Variants in TMEM132D observed in about 807,000 individuals in gnomAD.
TMEM132D encodes the protein mature OL transmembrane protein.
In TMEM132D, 21 loss-of-function variants were observed where a neutral mutation model predicts 62.3. That is an observed-to-expected ratio of 0.34 (90% CI 0.24 to 0.49). TMEM132D has a LOEUF of 0.49. TMEM132D is among the 20% of genes least tolerant of loss of function. The pLI is 0.99. For missense variants in TMEM132D, 1,346 were observed against 1,402.8 expected (o/e 0.96, Z 0.65); for synonymous variants, 621 against 575.6 (o/e 1.08, Z -1.13).
At chr12:129,854,541 AGAGT>A in intron 1 of TMEM132D, 1 of 152,234 alleles carries the variant, frequency 6.6e-6, no homozygotes, top group East Asian at 1.9e-4. Flanking sequence ...GTCTCATGAA[AGAGT>A]GAGAAAAAAA....
intron 2 of TMEM132D, among the ~76,000 whole-genome samples, chr12:129,556,690 C>T (rs1369205925): frequency 1.3e-5 from 2 of 152,122 alleles, no homozygotes; most frequent in African/African-American, 2.4e-5. Flanking sequence ...ATGTCCAAAA[C>T]GATAGCCCCT....
chr12:129,553,034 G>A (rs77797499), intron 2 of TMEM132D, among the ~76,000 whole-genome samples: 127 of 152,212 alleles, frequency 8.3e-4, no homozygotes, highest in African/African-American at 2.9e-3. Context: ...GCCACCATCC[G>A]AGCCCCAGCC....
At chr12:129,088,095 C>A (rs34216526) in intron 5 of TMEM132D, among the ~76,000 whole-genome samples, 27 of 39,408 alleles carry the variant, frequency 6.9e-4, no homozygotes, top group African/African-American at 4.6e-3. Context: ...GGTGTCCTCC[C>A]TGACCGGGGT....
chr12:129,837,427 G>T (rs1445046748), intron 1 of TMEM132D, among the ~76,000 whole-genome samples: 1 of 152,086 alleles, frequency 6.6e-6, no homozygotes, highest in African/African-American at 2.4e-5. Flanking sequence ...TAAGTTGCTA[G>T]GTTTACAAAC....
At chr12:129,370,752 T>C (rs1870571635) in intron 3 of TMEM132D, among the ~76,000 whole-genome samples, 1 of 151,372 alleles carries the variant, frequency 6.6e-6, no homozygotes, top group Non-Finnish European at 1.5e-5. Flanking sequence ...CTGGAAGTCA[T>C]TATGTTAAGT....
chr12:129,216,158 A>G (rs1398574890), intron 4 of TMEM132D, among the ~76,000 whole-genome samples: 3 of 152,212 alleles, frequency 2.0e-5, no homozygotes, highest in Non-Finnish European at 4.4e-5. Context: ...CTTCAGCTAT[A>G]ACATGAGCAT....
chr12:129,720,104 G>A (rs1239095521), intron 1 of TMEM132D, among the ~76,000 whole-genome samples: 2 of 152,132 alleles, frequency 1.3e-5, no homozygotes, highest in African/African-American at 4.8e-5. Context: ...CCATTATTTA[G>A]AAATGTGGTT....
chr12:129,689,883 G>C (rs1425355955), intron 2 of TMEM132D, among the ~76,000 whole-genome samples: 4 of 152,186 alleles, frequency 2.6e-5, no homozygotes, highest in Admixed American at 6.5e-5. Flanking sequence ...AAACTGAAAA[G>C]CACTACATTT....
intron 3 of TMEM132D, among the ~76,000 whole-genome samples, chr12:129,399,594 C>T (rs1871552191): frequency 6.6e-6 from 1 of 150,680 alleles, no homozygotes; most frequent in African/African-American, 2.5e-5. Flanking sequence ...AACACATTCA[C>T]ACCACAGAAC....
intron 3 of TMEM132D, chr12:129,521,842 A>G (rs1171325832): frequency 6.6e-6 from 1 of 152,216 alleles, no homozygotes; most frequent in Non-Finnish European, 1.5e-5. Context: ...CAGCAAAATT[A>G]TAGACAGAAG....
In TMEM132D at chr12:129,287,339, A is replaced by C. The variant is rs1400764522; in HGVS notation, c.1299+50295T>G. Among the ~76,000 whole-genome samples, 4 of 152,192 alleles carry C rather than the reference A, an allele frequency of 2.6e-5. No individual in the cohort carries two copies. The East Asian group carries it at 7.7e-4, about 29-fold the overall frequency. ...ACAGAATTGAAAATGTAAATTAATA[A>C]ACAGGAAGGGAATGATGGTAATACA... On this transcript the variant is annotated intron_variant, in intron 4 of 8. Transcript: ENST00000422113.
chr12:129,759,836 A>G (rs1870292193), intron 1 of TMEM132D, among the ~76,000 whole-genome samples: 1 of 152,202 alleles, frequency 6.6e-6, no homozygotes, highest in African/African-American at 2.4e-5. Flanking sequence ...AGAATACAAG[A>G]TAAGCCATGA....
At chr12:129,366,273 A>G (rs1225842414) in intron 3 of TMEM132D, among the ~76,000 whole-genome samples, 3 of 152,112 alleles carry the variant, frequency 2.0e-5, no homozygotes, top group African/African-American at 7.2e-5. Flanking sequence ...GGGTCTGGTG[A>G]GAGGTGATTG....
intron 1 of TMEM132D, among the ~76,000 whole-genome samples, chr12:129,763,666 GAA>G (rs1870456187): frequency 6.6e-6 from 1 of 152,058 alleles, no homozygotes; most frequent in Non-Finnish European, 1.5e-5. Context: ...TGACTGCCCA[GAA>G]AAGTTTTCCC....
At chr12:129,704,547 C>G (rs1881458047) in intron 1 of TMEM132D, among the ~76,000 whole-genome samples, 2 of 152,296 alleles carry the variant, frequency 1.3e-5, no homozygotes, top group African/African-American at 4.8e-5. Context: ...TGAGTCCAAA[C>G]CTAAAATCAC....
At chr12:129,656,266 A>C (rs915891895) in intron 2 of TMEM132D, among the ~76,000 whole-genome samples, 1 of 152,080 alleles carries the variant, frequency 6.6e-6, no homozygotes, top group African/African-American at 2.4e-5. Flanking sequence ...AAGGAAGGAG[A>C]AAAGGAAAGA....
At chr12:129,114,385 A>ACTCCTTCC (rs1344113108) in intron 5 of TMEM132D, among the ~76,000 whole-genome samples, 2 of 140,202 alleles carry the variant, frequency 1.4e-5, no homozygotes, top group African/African-American at 5.3e-5. Flanking sequence ...ACAGTTGGAA[A>ACTCCTTCC]CTCCTTCCTT....
intron 2 of TMEM132D, among the ~76,000 whole-genome samples, chr12:129,662,578 A>G (rs1217348440): frequency 1.3e-5 from 2 of 152,170 alleles, no homozygotes; most frequent in African/African-American, 4.8e-5. Flanking sequence ...GCGGATCACG[A>G]GGTCAAGAGA....
chr12:129,442,389 A>G (rs1332597191), intron 3 of TMEM132D, among the ~76,000 whole-genome samples: 2 of 152,148 alleles, frequency 1.3e-5, no homozygotes, highest in African/African-American at 4.8e-5. Context: ...GTTAATGGAG[A>G]AACGATCCTG....
Sources: gnomAD v4.1 joint callset for allele counts (sites outside exome capture counted in the v4.1 genomes callset) on GRCh38, gnomAD v4.1.1 for gene constraint, MANE v1.5 for transcripts, NCBI Gene and HGNC (gene_info 2026-07-23, HGNC 2026-07-21) for gene names.